Variants in IFT122 observed in about 807,000 individuals in gnomAD.
The protein encoded by IFT122 is intraflagellar transport 122.
In IFT122, 118 loss-of-function variants were observed where a neutral mutation model predicts 161.6. That is an observed-to-expected ratio of 0.73 (90% CI 0.63 to 0.85). The LOEUF (loss-of-function observed/expected upper bound fraction) is 0.85. Ranked by LOEUF, IFT122 falls within the 40% of genes least tolerant of loss-of-function variation. The probability of loss-of-function intolerance (pLI) is 0.00; values close to 1 mark genes in which losing one functional copy is unlikely to be tolerated. For missense variants in IFT122, 1,381 were observed against 1,579.6 expected, an observed-to-expected ratio of 0.87 and a Z score of 2.13; for synonymous variants, 550 against 602.4, an observed-to-expected ratio of 0.91 and a Z score of 1.27.
intron 17 of IFT122, among the ~76,000 whole-genome samples, chr3:129,494,902 C>T (rs1266718199): frequency 6.6e-6 from 1 of 152,108 alleles, no homozygotes; most frequent in African/African-American, 2.4e-5. Context: ...ATAAAGGGGC[C>T]ATGTGTGTAT....
At chr3:129,464,150 T>C (rs750155487) in intron 6 of IFT122, among the ~76,000 whole-genome samples, 2 of 152,258 alleles carry the variant, frequency 1.3e-5, no homozygotes, top group African/African-American at 2.4e-5. Flanking sequence ...GTACCTGGTG[T>C]ACAGTAGACA....
intron 15 of IFT122, among the ~76,000 whole-genome samples, chr3:129,485,733 G>A (rs912799956): frequency 3.9e-5 from 6 of 152,268 alleles, no homozygotes; most frequent in African/African-American, 1.4e-4. Context: ...AGGAGCCAGA[G>A]GGGCAGCCTG....
intron 20 of IFT122, chr3:129,504,053 C>T (rs1016549756): frequency 1.5e-5 from 7 of 466,720 alleles, no homozygotes; most frequent in Non-Finnish European, 2.4e-5. Context: ...AAAATGTTTC[C>T]GATTCTGTGC....
chr3:129,516,307 CAG>C (rs147411001), intron 26 of IFT122, among the ~76,000 whole-genome samples: 8,629 of 119,454 alleles, frequency 0.072, 618 homozygotes, highest in African/African-American at 0.18. Context: ...CACACACACA[CAG>C]AGACTGCCCC....
chr3:129,466,600 C>T (rs954114963), intron 7 of IFT122, among the ~76,000 whole-genome samples: 1 of 145,474 alleles, frequency 6.9e-6, no homozygotes. Flanking sequence ...CTCCCAGGTT[C>T]AAGCAATCCT....
chr3:129,457,736 T>TG (rs1163634232), intron 3 of IFT122, among the ~76,000 whole-genome samples: 3 of 146,648 alleles, frequency 2.0e-5, no homozygotes, highest in East Asian at 4.0e-4. Context: ...GGAATAGTTT[T>TG]TTTTTTTTTT....
rs1406780553 is a variant in IFT122 at position 129,520,389 on chromosome 3, G to T, written c.*124G>T. 1 of 808,084 alleles carries T rather than the reference G, an allele frequency of 1.2e-6. No individual in the cohort carries two copies. Among genetic ancestry groups the T allele is most frequent in the Non-Finnish European group, 2.1e-6 (1 of 482,256 alleles). 50.1% of individuals were successfully genotyped at this position (808,084 alleles called of 1,614,324 possible). A position where few individuals can be genotyped will look rare whatever the true frequency, so the allele number is the denominator to read the frequency against. On this transcript the variant is annotated 3_prime_UTR_variant, in exon 30 of 30. Coordinates refer to ENST00000348417, the MANE Select transcript of IFT122 (RefSeq NM_052989.3). Reference sequence around the variant, plus strand: ...CCAGATGAAGTTTGTGTTTTGTGGGGGGGGCCTTGTGTAACCACGGAATTC... The same window carrying T: ...CCAGATGAAGTTTGTGTTTTGTGGGTGGGGCCTTGTGTAACCACGGAATTC...
chr3:129,501,094 G>T (rs539083260), intron 19 of IFT122, among the ~76,000 whole-genome samples: 1 of 152,160 alleles, frequency 6.6e-6, no homozygotes, highest in Admixed American at 6.5e-5. Flanking sequence ...GGGGGTTGGG[G>T]TGGGGCAGCA....
rs146817243 is a variant in IFT122, at chr3:129,505,682, C to A, written c.2651-727C>A. ...GTCATGGCTACAAGTGCTTCACTGG[C>A]AGCCACCAACATCTCAAGGGGCTGG... On this transcript the variant is annotated intron_variant, in intron 21 of 29. Transcript: ENST00000348417. 3.0e-4 allele frequency among the ~76,000 whole-genome samples: 45 copies of A among 152,354 alleles called. 1 individual carries two copies. Among genetic ancestry groups the A allele is most frequent in the African/African-American group, 9.4e-4 (39 of 41,576 alleles).
chr3:129,452,120 T>G (rs1433068150), intron 3 of IFT122, 122 bp downstream of exon 3: 1 of 767,700 alleles, frequency 1.3e-6, no homozygotes, highest in Admixed American at 2.0e-5. Flanking sequence ...CAGAAGACAG[T>G]GAAGTTGCTA....
At chr3:129,497,733 TC>T (rs1377016553) in intron 18 of IFT122, among the ~76,000 whole-genome samples, 1 of 152,054 alleles carries the variant, frequency 6.6e-6, no homozygotes, top group Non-Finnish European at 1.5e-5. Flanking sequence ...TCCTTTTCAA[TC>T]CCCCCTGCCC....
chr3:129,474,578 G>T (rs1365697019), intron 9 of IFT122, among the ~76,000 whole-genome samples: 2 of 152,148 alleles, frequency 1.3e-5, no homozygotes, highest in African/African-American at 4.8e-5. Flanking sequence ...ATGACACCTG[G>T]CAGACAAAGT....
chr3:129,448,497 A>T (rs959855741), intron 1 of IFT122, among the ~76,000 whole-genome samples: 1 of 152,090 alleles, frequency 6.6e-6, no homozygotes, highest in African/African-American at 2.4e-5. Flanking sequence ...CCCCACCCTA[A>T]TCTTTTATTA....
At chr3:129,450,968 C>T (rs1310757249) in intron 2 of IFT122, among the ~76,000 whole-genome samples, 3 of 152,088 alleles carry the variant, frequency 2.0e-5, no homozygotes, top group Non-Finnish European at 2.9e-5. Flanking sequence ...AATCCACCCA[C>T]CTCGGCCTCC....
intron 15 of IFT122, among the ~76,000 whole-genome samples, chr3:129,484,058 T>C (rs1231811100): frequency 1.2e-4 from 18 of 148,584 alleles, no homozygotes; most frequent in Admixed American, 1.0e-3. Flanking sequence ...ATGGTGGTGA[T>C]GTGTGTGTGA....
intron 1 of IFT122, 21 bp downstream of exon 1, chr3:129,440,392 C>T (rs1450091788): frequency 3.9e-6 from 6 of 1,549,738 alleles, no homozygotes; most frequent in Non-Finnish European, 5.2e-6. Context: ...GGGCGGTTCG[C>T]GAAGAGCAGG....
intron 26 of IFT122, among the ~76,000 whole-genome samples, chr3:129,516,130 C>CA (rs2083499530): frequency 6.7e-6 from 1 of 148,502 alleles, no homozygotes; most frequent in Non-Finnish European, 1.5e-5. Context: ...CCTGCACACA[C>CA]AGAGACTGCC....
chr3:129,505,979 A>G (rs2108576688), intron 21 of IFT122, among the ~76,000 whole-genome samples: 1 of 152,334 alleles, frequency 6.6e-6, no homozygotes, highest in East Asian at 1.9e-4. Flanking sequence ...GTGAGGATCC[A>G]GTGAGGTGAT....
At chr3:129,505,344 G>A (rs1159165146) in intron 21 of IFT122, among the ~76,000 whole-genome samples, 3 of 152,180 alleles carry the variant, frequency 2.0e-5, no homozygotes, top group Non-Finnish European at 2.9e-5. Context: ...TATGGTAACC[G>A]TTGCCCTCTC....
Sources: allele counts gnomAD v4.1 joint callset (sites outside exome capture counted in the v4.1 genomes callset), GRCh38; gene constraint gnomAD v4.1.1; transcripts MANE v1.5; gene names NCBI Gene and HGNC (gene_info 2026-07-23, HGNC 2026-07-21).